ANGPT2: variants seen among roughly 807,000 people sequenced by gnomAD.
ANGPT2 encodes angiopoietin 2, also known as angiopoietin-2.
Under a neutral mutation model 62.9 loss-of-function variants are expected in ANGPT2, and 28 were observed. The observed-to-expected ratio is 0.44, with a 90% CI of 0.33 to 0.61. The LOEUF (loss-of-function observed/expected upper bound fraction) is 0.61. Among genes scored for constraint, ANGPT2 ranks in the 20% least tolerant of loss-of-function variants. ANGPT2 has a pLI of 0.03. For synonymous variants in ANGPT2, 284 were observed against 207.8 expected, an observed-to-expected ratio of 1.37 and a Z score of -3.15; for missense variants, 727 against 594.9, an observed-to-expected ratio of 1.22 and a Z score of -2.31.
At chr8:6,557,353 CG>C in intron 1 of ANGPT2, among the ~76,000 whole-genome samples, 1 of 152,170 alleles carries the variant, frequency 6.6e-6, no homozygotes, top group Middle Eastern at 3.4e-3. Flanking sequence ...GAGATATTCT[CG>C]GGGCAAAATG....
Position 6,499,816 on chromosome 8 carries a change from A to C in ANGPT2, c.*3285T>G, listed in dbSNP as rs1164570740. 6.3e-7 allele frequency: 1 copy of C among 1,593,064 alleles called. No homozygotes were observed. Among genetic ancestry groups the C allele is most frequent in the Non-Finnish European group, 8.6e-7 (1 of 1,162,516 alleles). On this transcript the variant is annotated 3_prime_UTR_variant, in exon 9 of 9. Transcript: ENST00000629816. ...GGTTTATTGCCTGCTAAGGCTAATA[A>C]ATGTATAATAAATCTGCTTGTTGTG...
intron 1 of ANGPT2, among the ~76,000 whole-genome samples, chr8:6,549,060 T>C (rs1823118368): frequency 6.6e-6 from 1 of 152,210 alleles, no homozygotes; most frequent in African/African-American, 2.4e-5. Context: ...GCAGAGTGGA[T>C]TTCATTAGAA....
rs918561933 is a variant in ANGPT2, at chr8:6,508,684, C to A, written c.1327+248G>T. 24 of 601,912 alleles carry A rather than the reference C, an allele frequency of 4.0e-5. No individual in the cohort carries two copies. The African/African-American group carries it at 4.3e-4, about 11-fold the overall frequency. The allele number at this position is 601,912 out of a possible 1,614,324, so 37.3% of individuals were successfully genotyped here. On this transcript the variant is annotated intron_variant, in intron 8 of 8. Transcript: ENST00000629816. ...TTGCTAAGAATCAAATATCCCCTCT[C>A]CTTGCCAGGGCTAGGTCCTGAGGAG...
At position 6,513,798 on chromosome 8, in the gene ANGPT2, A is replaced by G; in HGVS notation, c.1076T>C (p.Val359Ala). ...GCGTTGCTGATTAGTCAGTTGCGAA[A>G]CAAACTCATTTCCCAGCCAATATTC... is the stretch of plus-strand genomic sequence containing the variant. ...SGEYWLGNEFVSQLTNQQRYV... is the reference protein window; with the variant it reads ...SGEYWLGNEFASQLTNQQRYV... Residue 359 changes from valine (V) to alanine (A), a missense_variant, in exon 7 of 9, where the codon GTT becomes GCT. Coordinates refer to ENST00000629816, the MANE Select transcript of ANGPT2 (RefSeq NM_001118887.2). The G allele has an allele frequency of 3.1e-6, 5 of 1,614,026 alleles. No individual in the cohort carries two copies. Among genetic ancestry groups the G allele is most frequent in the Non-Finnish European group, 4.2e-6 (5 of 1,179,992 alleles).
At chr8:6,530,170 A>T (rs1157826802) in intron 2 of ANGPT2, among the ~76,000 whole-genome samples, 1 of 152,130 alleles carries the variant, frequency 6.6e-6, no homozygotes, top group Non-Finnish European at 1.5e-5. Flanking sequence ...ATGTGACTTA[A>T]TCATTACTAA....
intron 1 of ANGPT2, among the ~76,000 whole-genome samples, chr8:6,543,241 A>T (rs1821928476): frequency 1.3e-5 from 2 of 152,218 alleles, no homozygotes; most frequent in Admixed American, 6.5e-5. Flanking sequence ...ATTTACACGA[A>T]GACTCAGCGG....
At chr8:6,530,634 A>G (rs734703) in intron 2 of ANGPT2, among the ~76,000 whole-genome samples, 102,357 of 151,834 alleles carry the variant, frequency 0.67, 34,868 homozygotes, top group Non-Finnish European at 0.72. Flanking sequence ...TGACTTCCTA[A>G]GATTTAAATT....
chr8:6,551,934 A>G (rs1823720328), intron 1 of ANGPT2, among the ~76,000 whole-genome samples: 1 of 152,198 alleles, frequency 6.6e-6, no homozygotes, highest in Non-Finnish European at 1.5e-5. Flanking sequence ...TGAGATTCCA[A>G]AGACTACGCA....
intron 1 of ANGPT2, among the ~76,000 whole-genome samples, chr8:6,544,735 A>G (rs995931080): frequency 6.6e-6 from 1 of 152,214 alleles, no homozygotes; most frequent in Non-Finnish European, 1.5e-5. Flanking sequence ...TAAGATAAAG[A>G]CACAGATACA....
chr8:6,517,278 TA>T (rs1231201214), intron 5 of ANGPT2, among the ~76,000 whole-genome samples: 1 of 152,194 alleles, frequency 6.6e-6, no homozygotes, highest in Non-Finnish European at 1.5e-5. Context: ...TATCTTTCTA[TA>T]AAGCTTGATG....
intron 1 of ANGPT2, among the ~76,000 whole-genome samples, chr8:6,546,244 A>G (rs1192056583): frequency 2.0e-5 from 3 of 152,264 alleles, no homozygotes; most frequent in African/African-American, 4.8e-5. Flanking sequence ...TAAGGGAGAC[A>G]GTCTGAATAT....
At chr8:6,552,617 C>T (rs1450203417) in intron 1 of ANGPT2, among the ~76,000 whole-genome samples, 1 of 152,058 alleles carries the variant, frequency 6.6e-6, no homozygotes, top group Admixed American at 6.5e-5. Flanking sequence ...TTATAATTAC[C>T]GTTCCTGCAA....
At chr8:6,540,954 G>T (rs938383042) in intron 1 of ANGPT2, among the ~76,000 whole-genome samples, 1 of 152,244 alleles carries the variant, frequency 6.6e-6, no homozygotes, top group African/African-American at 2.4e-5. Flanking sequence ...GCAAGAATGG[G>T]GACTGCTGTC....
intron 2 of ANGPT2, among the ~76,000 whole-genome samples, chr8:6,528,547 G>A (rs917974021): frequency 2.0e-5 from 3 of 152,096 alleles, no homozygotes; most frequent in East Asian, 1.9e-4. Context: ...TGAACCAATC[G>A]AAGCCGTATA....
intron 3 of ANGPT2, 36 bp from the exon 4 acceptor site, chr8:6,521,446 A>T: frequency 7.2e-7 from 1 of 1,385,864 alleles, no homozygotes; most frequent in Non-Finnish European, 1.0e-6. Flanking sequence ...AGTGAAGGCT[A>T]TTCTAATGAA....
rs558256005 is a variant in ANGPT2 at position 6,562,266 on chromosome 8, T to G, written c.288+381A>C. 2.2e-4 allele frequency among the ~76,000 whole-genome samples: 34 copies of G among 152,268 alleles called. 7 individuals are homozygous for G. Among genetic ancestry groups the G allele is most frequent in the African/African-American group, 8.2e-4 (34 of 41,556 alleles). On this transcript the variant is annotated intron_variant, in intron 1 of 8. Coordinates refer to ENST00000629816, the MANE Select transcript of ANGPT2 (RefSeq NM_001118887.2). ...CTGCGGCTCACAGCCTTCCCTCACT[T>G]GCCTGCAACCAGCTGAGAGCCTCCC...
intron 8 of ANGPT2, among the ~76,000 whole-genome samples, chr8:6,505,949 ATGTATATATAAAAACATACATATTCTT>A (rs71213311): frequency 0.59 from 29,686 of 49,982 alleles, 11,324 homozygotes; most frequent in Middle Eastern, 0.87. Context: ...TTCTTTATAT[ATGTATATATAAAAACATACATATTCTT>A]TGTATATATA....
chr8:6,509,182 T>C, intron 7 of ANGPT2, 120 bp from the exon 8 acceptor site: 1 of 1,267,236 alleles, frequency 7.9e-7, no homozygotes, highest in Non-Finnish European at 1.1e-6. Context: ...GTTAATGGAC[T>C]AATGCATACT....
chr8:6,546,547 A>T lies in ANGPT2; in HGVS notation c.289-14060T>A, dbSNP rs75384488. On this transcript the variant is annotated intron_variant, in intron 1 of 8. Transcript: ENST00000629816. Reference sequence around the variant, plus strand: ...GAAAGAAAATAAAGGATCTTTTTTTAAAACTCAATTTATATGTATATTGGT... The same window carrying T: ...GAAAGAAAATAAAGGATCTTTTTTTTAAACTCAATTTATATGTATATTGGT... Among the ~76,000 whole-genome samples the T allele has an allele frequency of 2.1e-5, 3 of 144,990 alleles. No individual in the cohort carries two copies. The East Asian group carries it at 6.0e-4, about 29-fold the overall frequency.
Sources: gnomAD v4.1 joint callset for allele counts (sites outside exome capture counted in the v4.1 genomes callset) on GRCh38, gnomAD v4.1.1 for gene constraint, MANE v1.5 for transcripts, NCBI Gene and HGNC (gene_info 2026-07-23, HGNC 2026-07-21) for gene names.